PRRC2B: variants seen among roughly 807,000 people sequenced by gnomAD.
PRRC2B encodes the protein proline rich coiled-coil 2B.
In PRRC2B, 68 loss-of-function variants were observed where a neutral mutation model predicts 242.3. The ratio of observed to expected loss-of-function variants is 0.28; its 90% CI spans 0.23 to 0.34. The LOEUF (loss-of-function observed/expected upper bound fraction) is 0.34, where lower values mean the gene tolerates loss of function less well. Ranked by LOEUF, PRRC2B falls within the 10% of genes least tolerant of loss-of-function variation. The pLI is 1.00. For synonymous variants in PRRC2B, 1,228 were observed against 1,173.6 expected, an observed-to-expected ratio of 1.05 and a Z score of -0.95; for missense variants, 2,835 against 2,954.8, an observed-to-expected ratio of 0.96 and a Z score of 0.94.
chr9:131,455,100 C>T lies in PRRC2B; in HGVS notation c.1145C>T (p.Ser382Phe), dbSNP rs753804264. Residue 382 changes from serine to phenylalanine, a missense_variant, in exon 10 of 32, where the codon TCT becomes TTT. Physicochemically the swap from Ser to Phe is radical, Grantham distance 155 (BLOSUM62 -2). Transcript: ENST00000683519. ...GGCCTCCATGAAGAAGTGGACTATT[C>T]TGAGAAACTGAAGTTCAGTGATGAT... is the stretch of plus-strand genomic sequence containing the variant. ...WAGLHEEVDY[S>F]EKLKFSDDEE... 6.2e-7 allele frequency: 1 copy of T among 1,613,684 alleles called. No individual in the cohort carries two copies. The highest frequency in any genetic ancestry group is 1.1e-5 in the South Asian group (1 of 90,986).
At position 131,482,519 on chromosome 9, in the gene PRRC2B, C is replaced by T. The variant is rs770978480; in HGVS notation, c.5132C>T (p.Ala1711Val). ...GGGCCCGGCCTGGCGGAACCCAAGG[C>T]CGACAGCCACAAGGAGCAGGCTCCA... ...MSGPGLAEPK[A>V]DSHKEQAPKP... Residue 1711 changes from alanine to valine, a missense_variant, in exon 21 of 32, where the codon GCC becomes GTC. By Grantham distance (64) the Ala-to-Val change is moderately conservative. Around this residue, in one of 7 missense-constraint regions of PRRC2B, gnomAD observed 51 missense variants for 45.1 expected, o/e 1.13. Coordinates refer to ENST00000683519, the MANE Select transcript of PRRC2B (RefSeq NM_013318.4). The surrounding 1 kb of genome is among the most constrained non-coding windows in gnomAD (Gnocchi z 5.2). 27 of 1,609,644 alleles carry T rather than the reference C, an allele frequency of 1.7e-5. No individual in the cohort carries two copies. In the Middle Eastern group the frequency reaches 6.6e-4, roughly 39 times the overall value.
intron 31 of PRRC2B, among the ~76,000 whole-genome samples, chr9:131,495,308 CT>C (rs1465118480): frequency 6.6e-6 from 1 of 152,124 alleles, no homozygotes; most frequent in Non-Finnish European, 1.5e-5. Context: ...GGGGCCAAGT[CT>C]GCCTAGGGCC....
At chr9:131,469,048 T>C (rs891082069) in intron 13 of PRRC2B, among the ~76,000 whole-genome samples, 2 of 152,108 alleles carry the variant, frequency 1.3e-5, no homozygotes, top group Non-Finnish European at 1.5e-5. Flanking sequence ...TCCTTAAGAA[T>C]AGAAGGAATT....
At chr9:131,492,777 G>A (rs1407105300) in intron 30 of PRRC2B, among the ~76,000 whole-genome samples, 2 of 152,176 alleles carry the variant, frequency 1.3e-5, no homozygotes, top group Non-Finnish European at 2.9e-5. Context: ...TCCACCTCCA[G>A]CAACTGTCTC....
intron 1 of PRRC2B, among the ~76,000 whole-genome samples, chr9:131,384,083 ATT>A (rs111724850): frequency 0.015 from 862 of 59,008 alleles, 13 homozygotes; most frequent in African/African-American, 0.045. Context: ...ATACCCGGCT[ATT>A]TTTTTTTTTT....
In PRRC2B at chr9:131,487,841, G is replaced by A. The variant is rs560905662; in HGVS notation, c.5985-15G>A. 2.7e-5 allele frequency: 43 copies of A among 1,599,134 alleles called. No individual in the cohort carries two copies. Among genetic ancestry groups the A allele is most frequent in the Non-Finnish European group, 3.4e-5 (40 of 1,168,078 alleles). ...CTCATCCACCTGATCCCGACCATCTGTCTGGCTTTTGCAGATCTCAGGTGT... is the reference window on the plus strand; with the variant it reads ...CTCATCCACCTGATCCCGACCATCTATCTGGCTTTTGCAGATCTCAGGTGT... On this transcript the variant is annotated splice_polypyrimidine_tract_variant and intron_variant, in intron 27 of 31. Coordinates refer to ENST00000683519, the MANE Select transcript of PRRC2B (RefSeq NM_013318.4). This position sits in a 1 kb window ranked among gnomAD's most constrained non-coding sequence, Gnocchi z 5.3.
chr9:131,485,022 A>G lies in PRRC2B; in HGVS notation c.5640A>G (p.Ser1880=). The part of the protein sequence containing the change: ...PEQSSPGGAG[S]GIQPPSSVGA... ...AGAGCTCTCCAGGCGGCGCTGGCTCAGGCATCCAGCCTCCATCCTCTGTGG... is the reference window on the plus strand; with the variant it reads ...AGAGCTCTCCAGGCGGCGCTGGCTCGGGCATCCAGCCTCCATCCTCTGTGG... Residue 1880 remains serine, a synonymous_variant, in exon 25 of 32, where the codon TCA becomes TCG. Transcript: ENST00000683519. 8 of 1,612,798 alleles carry G rather than the reference A, an allele frequency of 5.0e-6. No individual in the cohort carries two copies. Among genetic ancestry groups the G allele is most frequent in the Non-Finnish European group, 6.8e-6 (8 of 1,179,420 alleles).
intron 1 of PRRC2B, among the ~76,000 whole-genome samples, chr9:131,413,517 A>T (rs1837559238): frequency 6.6e-6 from 1 of 152,176 alleles, no homozygotes; most frequent in South Asian, 2.1e-4. Context: ...TTTCAAACAT[A>T]GGCATGCACC....
chr9:131,421,238 A>G (rs1420044914), intron 1 of PRRC2B, among the ~76,000 whole-genome samples: 1 of 152,210 alleles, frequency 6.6e-6, no homozygotes, highest in African/African-American at 2.4e-5. Flanking sequence ...CCCAGCACCA[A>G]GTGACACAGG....
In PRRC2B at chr9:131,436,638, T is replaced by C; in HGVS notation, c.312T>C (p.Ser104=). 1 of 1,613,908 alleles carries C rather than the reference T, an allele frequency of 6.2e-7. No individual in the cohort carries two copies. The highest frequency in any genetic ancestry group is 8.5e-7 in the Non-Finnish European group (1 of 1,179,830). ...QDPKSSSATA[S]QPPESLPQPG... is the part of the protein sequence containing the mutation. ...TGTCTAGTTCCAGTGCGACGGCCTC[T>C]CAGCCGCCGGAGTCGCTGCCGCAGC... Residue 104 remains serine (S), a synonymous_variant, in exon 4 of 32, where the codon TCT becomes TCC. Transcript: ENST00000683519.
At chr9:131,409,672 A>G (rs1000334375) in intron 1 of PRRC2B, among the ~76,000 whole-genome samples, 4 of 152,304 alleles carry the variant, frequency 2.6e-5, no homozygotes, top group African/African-American at 2.4e-5. Flanking sequence ...CCGTGAGGTA[A>G]GAGCTGCTCC....
intron 9 of PRRC2B, among the ~76,000 whole-genome samples, chr9:131,454,731 G>A (rs748474126): frequency 2.0e-5 from 3 of 151,906 alleles, no homozygotes; most frequent in Admixed American, 6.6e-5. Context: ...TGCCTCCTGC[G>A]TTCAAGCGAT....
rs906424812 is a variant in PRRC2B, at chr9:131,446,298, A to AT, written c.614-96dup. 9.3e-6 allele frequency: 13 copies of AT among 1,401,206 alleles called. No individual in the cohort carries two copies. The Admixed American group carries it at 1.8e-4, about 20-fold the overall frequency. The allele number at this position is 1,401,206 out of a possible 1,614,324, so 86.8% of individuals were successfully genotyped here. A position where few individuals can be genotyped will look rare whatever the true frequency, so the allele number is the denominator to read the frequency against. On this transcript the variant is annotated intron_variant, in intron 6 of 31. Transcript: ENST00000683519. The surrounding 1 kb of genome is among the most constrained non-coding windows in gnomAD (Gnocchi z 4.1). ...TTTGGTGTTTTTTGTTTTTCATTTT[A>AT]TTTTTTTGGTGAAGGAGGGGGTCCC...
intron 1 of PRRC2B, among the ~76,000 whole-genome samples, chr9:131,394,723 C>T (rs1836994874): frequency 6.6e-6 from 1 of 151,648 alleles, no homozygotes; most frequent in Non-Finnish European, 1.5e-5. Context: ...AGGCGGGATC[C>T]TGCGGGGTCG....
At chr9:131,378,534 C>T (rs72770769) in intron 1 of PRRC2B, among the ~76,000 whole-genome samples, 2,017 of 152,198 alleles carry the variant, frequency 0.013, 11 homozygotes, top group Non-Finnish European at 0.022. Flanking sequence ...GCAAAAGTTC[C>T]CCAAGGGCTG....
chr9:131,418,136 A>C, intron 1 of PRRC2B, among the ~76,000 whole-genome samples: 1 of 152,234 alleles, frequency 6.6e-6, no homozygotes, highest in East Asian at 1.9e-4. Context: ...CTATCTGCTG[A>C]ACTCCTCTGT....
intron 1 of PRRC2B, among the ~76,000 whole-genome samples, chr9:131,424,067 C>T (rs1374367738): frequency 6.6e-6 from 1 of 152,154 alleles, no homozygotes; most frequent in Admixed American, 6.5e-5. Context: ...TCCCCAGTGG[C>T]TGGGATTACA....
chr9:131,435,613 TAAAAAAAA>T (rs66831387), intron 3 of PRRC2B, among the ~76,000 whole-genome samples: 1 of 147,010 alleles, frequency 6.8e-6, no homozygotes, highest in Non-Finnish European at 1.5e-5. Flanking sequence ...AGACTCCATC[TAAAAAAAA>T]AAAAAAAAAA....
chr9:131,476,758 CTT>C (rs1943714835), intron 16 of PRRC2B, among the ~76,000 whole-genome samples: 1 of 141,976 alleles, frequency 7.0e-6, no homozygotes, highest in African/African-American at 2.5e-5. Context: ...CAGTGGTGCT[CTT>C]GAGGCCACTG....
Sources: allele counts gnomAD v4.1 joint callset (sites outside exome capture counted in the v4.1 genomes callset), GRCh38; gene constraint gnomAD v4.1.1; regional missense constraint gnomAD v4.1.1; non-coding constraint Gnocchi (gnomAD v3.1); transcripts MANE v1.5; gene names NCBI Gene and HGNC (gene_info 2026-07-23, HGNC 2026-07-21).